PCDHGB2: variants seen among roughly 807,000 people sequenced by gnomAD.
The protein encoded by PCDHGB2 is protocadherin gamma subfamily B, 2.
Under a neutral mutation model 59.3 loss-of-function variants are expected in PCDHGB2, and 55 were observed. The observed-to-expected ratio is 0.93, with a 90% CI of 0.75 to 1.16. The LOEUF (loss-of-function observed/expected upper bound fraction) is 1.16. Among genes scored for constraint, PCDHGB2 ranks in the 50% most tolerant of loss-of-function variants. The probability of loss-of-function intolerance (pLI) is 0.00; values close to 1 mark genes in which losing one functional copy is unlikely to be tolerated. For synonymous variants in PCDHGB2, 516 were observed against 512.0 expected (o/e 1.01, Z -0.11); for missense variants, 1,228 against 1,198.5 (o/e 1.02, Z -0.36).
At position 141,399,851 on chromosome 5, in the gene PCDHGB2, C is replaced by G. The variant is rs971471583; in HGVS notation, c.2421+37295C>G. 7 of 1,612,832 alleles carry G rather than the reference C, an allele frequency of 4.3e-6. No individual in the cohort carries two copies. In the African/African-American group the frequency reaches 6.7e-5, roughly 15 times the overall value. Reference sequence around the variant, plus strand: ...GGCTCTGCGCTCTTCGATATGGTGCCGCGCGCTGCAGAGCCCGGCTACCTG... The same window carrying G: ...GGCTCTGCGCTCTTCGATATGGTGCGGCGCGCTGCAGAGCCCGGCTACCTG... On this transcript the variant is annotated intron_variant, in intron 1 of 3. Coordinates refer to ENST00000522605, the MANE Select transcript of PCDHGB2 (RefSeq NM_018923.3).
At position 141,419,770 on chromosome 5, in the gene PCDHGB2, G is replaced by A. The variant is rs1018272442; in HGVS notation, c.2421+57214G>A. On this transcript the variant is annotated intron_variant, in intron 1 of 3. Coordinates refer to ENST00000522605, the MANE Select transcript of PCDHGB2 (RefSeq NM_018923.3). ...TGCGTGCTTTGGGTGACAAGGACTC[G>A]GTCCGCCAGCGCCTGCTAGTCGCTG... 3.7e-6 allele frequency: 6 copies of A among 1,614,006 alleles called. No individual in the cohort carries two copies. The Admixed American group carries it at 6.7e-5, about 18-fold the overall frequency.
chr5:141,389,942 G>C lies in PCDHGB2; in HGVS notation c.2421+27386G>C, dbSNP rs775707080. On this transcript the variant is annotated intron_variant, in intron 1 of 3. Coordinates refer to ENST00000522605, the MANE Select transcript of PCDHGB2 (RefSeq NM_018923.3). ...ACCCCTCTGACCTCCAGGCTGAGCT[G>C]CAGTTTTACCTAGTGGTGGCCTTGG... is the stretch of plus-strand genomic sequence containing the variant. The C allele has an allele frequency of 2.5e-6, 4 of 1,613,952 alleles. No individual in the cohort carries two copies. The African/African-American group carries it at 5.3e-5, about 22-fold the overall frequency.
intron 1 of PCDHGB2, chr5:141,468,632 C>G (rs1385644482): frequency 6.6e-6 from 1 of 151,628 alleles, no homozygotes; most frequent in Non-Finnish European, 1.5e-5. Context: ...TTTGGGAGGC[C>G]GAGGTGGGCG....
intron 1 of PCDHGB2, among the ~76,000 whole-genome samples, chr5:141,380,531 AT>A (rs543704325): frequency 5.7e-4 from 87 of 152,348 alleles, no homozygotes; most frequent in African/African-American, 2.0e-3. Flanking sequence ...AATGATTTCA[AT>A]TTGATACAAT....
At chr5:141,434,119 C>T (rs2097673106) in intron 1 of PCDHGB2, among the ~76,000 whole-genome samples, 1 of 152,180 alleles carries the variant, frequency 6.6e-6, no homozygotes, top group Non-Finnish European at 1.5e-5. Flanking sequence ...GCCTTTGGGA[C>T]TCCCTTTAGG....
intron 1 of PCDHGB2, chr5:141,402,858 G>A: frequency 1.4e-6 from 2 of 1,427,466 alleles, no homozygotes; most frequent in Admixed American, 2.9e-5. Context: ...TTTCTTCTAA[G>A]GAAAAGATCA....
intron 1 of PCDHGB2, chr5:141,423,473 C>A: frequency 6.2e-7 from 1 of 1,614,010 alleles, no homozygotes; most frequent in Non-Finnish European, 8.5e-7. Flanking sequence ...GGGGTACAGG[C>A]TTTCCTGCAA....
At chr5:141,407,974 G>A (rs1229330658) in intron 1 of PCDHGB2, 3 of 728,612 alleles carry the variant, frequency 4.1e-6, no homozygotes, top group African/African-American at 1.8e-5. Context: ...CGCTGACGCC[G>A]GGGATCCGTC....
In PCDHGB2 at chr5:141,432,518, C is replaced by T. The variant is rs1314948517; in HGVS notation, c.2422-62289C>T. 6.2e-7 allele frequency: 1 copy of T among 1,614,126 alleles called. No homozygotes were observed. The highest frequency in any genetic ancestry group is 8.5e-7 in the Non-Finnish European group (1 of 1,180,024). On this transcript the variant is annotated intron_variant, in intron 1 of 3. Coordinates refer to ENST00000522605, the MANE Select transcript of PCDHGB2 (RefSeq NM_018923.3). This position sits in a 1 kb window ranked among gnomAD's most constrained non-coding sequence, Gnocchi z 6.0. The stretch of plus-strand genomic sequence containing the variant: ...TCCCCGCTCCGCAGAGCCCGGCTAC[C>T]TGGTGACCAAGGTGGTGGCGGTGGA...
chr5:141,489,101 T>G lies in PCDHGB2; in HGVS notation c.2422-5706T>G. 1 of 398,408 alleles carries G rather than the reference T, an allele frequency of 2.5e-6. No homozygotes were observed. Among genetic ancestry groups the G allele is most frequent in the Non-Finnish European group, 4.5e-6 (1 of 223,328 alleles). The allele number at this position is 398,408 out of a possible 1,614,324, so 24.7% of individuals were successfully genotyped here. On this transcript the variant is annotated intron_variant, in intron 1 of 3. Transcript: ENST00000522605. The surrounding 1 kb of genome is among the most constrained non-coding windows in gnomAD (Gnocchi z 4.5). Reference sequence around the variant, plus strand: ...CCGCCACTCGGTGACTAAGAACTGCTGCAAGCAGGCAAACCTCCGAGCAGT... The same window carrying G: ...CCGCCACTCGGTGACTAAGAACTGCGGCAAGCAGGCAAACCTCCGAGCAGT...
chr5:141,393,434 T>C (rs1554093883), intron 1 of PCDHGB2: 5 of 1,613,902 alleles, frequency 3.1e-6, no homozygotes, highest in South Asian at 1.1e-5. Flanking sequence ...AAGAGGCTGC[T>C]CACCACCTGG....
At chr5:141,473,902 G>C (rs1593464039) in intron 1 of PCDHGB2, among the ~76,000 whole-genome samples, 1 of 152,240 alleles carries the variant, frequency 6.6e-6, no homozygotes, top group South Asian at 2.1e-4. Context: ...GGTTCATGAA[G>C]AGGTCTTAAG....
chr5:141,495,870 CCT>C (rs1183994771), intron 2 of PCDHGB2, among the ~76,000 whole-genome samples: 2 of 152,100 alleles, frequency 1.3e-5, no homozygotes. Flanking sequence ...TTTCTGCTTT[CCT>C]CTCTGTTCTT....
chr5:141,485,561 G>A lies in PCDHGB2; in HGVS notation c.2422-9246G>A. 1.9e-6 allele frequency: 3 copies of A among 1,613,008 alleles called. No homozygotes were observed. The highest frequency in any genetic ancestry group is 1.1e-5 in the South Asian group (1 of 91,026). ...AGAGATCGTAGATGTGAATGATCACGCCCCCCGTTTTCCGCGGCAGCAGCT... is the reference window on the plus strand; with the variant it reads ...AGAGATCGTAGATGTGAATGATCACACCCCCCGTTTTCCGCGGCAGCAGCT... On this transcript the variant is annotated intron_variant, in intron 1 of 3. Transcript: ENST00000522605. The surrounding 1 kb of genome is among the most constrained non-coding windows in gnomAD (Gnocchi z 5.7).
rs1761724745 is a variant in PCDHGB2 at position 141,360,740 on chromosome 5, G to C, written c.605G>C (p.Arg202Thr). The stretch of plus-strand genomic sequence containing the variant: ...TTGATTCTAAAACACTCTCTGGACA[G>C]AGAAGAGCACAGTTTACATCAATTG... ...PELILKHSLD[R>T]EEHSLHQLVL... The change falls in exon 1 of 4, where the codon AGA becomes ACA. Residue 202 changes from arginine (R) to threonine (T), a missense_variant. Transcript: ENST00000522605. 6.2e-7 allele frequency: 1 copy of C among 1,613,842 alleles called. No homozygotes were observed. Among genetic ancestry groups the C allele is most frequent in the Admixed American group, 1.7e-5 (1 of 59,992 alleles).
chr5:141,475,550 TA>T (rs2099365126), intron 1 of PCDHGB2, among the ~76,000 whole-genome samples: 2 of 152,246 alleles, frequency 1.3e-5, no homozygotes, highest in Non-Finnish European at 2.9e-5. Context: ...AGGGTCCGGC[TA>T]ATTGTCTGTC....
At chr5:141,497,201 G>A (rs1190666375) in intron 2 of PCDHGB2, among the ~76,000 whole-genome samples, 1 of 93,734 alleles carries the variant, frequency 1.1e-5, no homozygotes, top group African/African-American at 8.6e-5. Flanking sequence ...AGAACAATGT[G>A]AGTGTAATGG....
At chr5:141,499,828 A>G (rs921957227) in intron 2 of PCDHGB2, among the ~76,000 whole-genome samples, 1 of 151,834 alleles carries the variant, frequency 6.6e-6, no homozygotes, top group Non-Finnish European at 1.5e-5. Context: ...CTAGGATTAC[A>G]GGTGTGCACC....
At chr5:141,448,924 G>A (rs1244728418) in intron 1 of PCDHGB2, among the ~76,000 whole-genome samples, 1 of 152,116 alleles carries the variant, frequency 6.6e-6, no homozygotes, top group East Asian at 1.9e-4. Flanking sequence ...CAGCCTGGGC[G>A]ACAGAGCAAG....
Sources: allele counts gnomAD v4.1 joint callset (sites outside exome capture counted in the v4.1 genomes callset), GRCh38; gene constraint gnomAD v4.1.1; non-coding constraint Gnocchi (gnomAD v3.1); transcripts MANE v1.5; gene names NCBI Gene and HGNC (gene_info 2026-07-23, HGNC 2026-07-21).